The following MSI2 variants were observed in gnomAD, a reference collection of about 807,000 sequenced individuals.
MSI2 encodes the protein musashi RNA binding protein 2.
MSI2 carries 17 observed loss-of-function variants against 45.6 expected under a neutral mutation model. The ratio of observed to expected loss-of-function variants is 0.37; its 90% CI spans 0.26 to 0.56. The LOEUF is 0.56. MSI2 is among the 20% of genes least tolerant of loss of function. The pLI is 0.77. For synonymous variants in MSI2, 156 were observed against 158.2 expected (o/e 0.99, Z 0.11); for missense variants, 293 against 444.2 (o/e 0.66, Z 3.06).
chr17:57,542,121 GTC>G (rs1332691357), intron 7 of MSI2, among the ~76,000 whole-genome samples: 3 of 152,130 alleles, frequency 2.0e-5, no homozygotes, highest in African/African-American at 7.2e-5. Flanking sequence ...TGTTTTGTGT[GTC>G]TCTCACCAGC....
At chr17:57,523,050 CTT>C (rs34090162) in intron 6 of MSI2, 36 of 141,276 alleles carry the variant, frequency 2.5e-4, no homozygotes, top group Admixed American at 3.6e-4. Context: ...GCATTGTGTC[CTT>C]TTTTTTTTTT....
At chr17:57,323,986 T>G (rs916486732) in intron 5 of MSI2, among the ~76,000 whole-genome samples, 3 of 152,134 alleles carry the variant, frequency 2.0e-5, no homozygotes, top group Admixed American at 6.6e-5. Context: ...AAAGGAAGAC[T>G]AGGTTGTCCC....
intron 7 of MSI2, among the ~76,000 whole-genome samples, chr17:57,553,233 G>C (rs1391801989): frequency 6.6e-6 from 1 of 152,198 alleles, no homozygotes; most frequent in Non-Finnish European, 1.5e-5. Context: ...ACAGAGCACT[G>C]GACTGGGGAC....
intron 6 of MSI2, among the ~76,000 whole-genome samples, chr17:57,436,835 A>C (rs2084699769): frequency 6.6e-6 from 1 of 152,190 alleles, no homozygotes; most frequent in African/African-American, 2.4e-5. Context: ...GTTATTCTGC[A>C]AGCAGAGATG....
chr17:57,478,943 T>C (rs1192160906), intron 6 of MSI2, among the ~76,000 whole-genome samples: 1 of 152,194 alleles, frequency 6.6e-6, no homozygotes, highest in Non-Finnish European at 1.5e-5. Flanking sequence ...GTGTGTGCTG[T>C]GTGCTAATGC....
intron 6 of MSI2, among the ~76,000 whole-genome samples, chr17:57,431,956 C>T (rs2084603243): frequency 6.6e-6 from 1 of 152,188 alleles, no homozygotes; most frequent in Non-Finnish European, 1.5e-5. Context: ...AAGGCTTCCC[C>T]CAGTCTGTAG....
intron 5 of MSI2, among the ~76,000 whole-genome samples, chr17:57,314,517 A>C (rs1184778525): frequency 6.6e-6 from 1 of 151,752 alleles, no homozygotes; most frequent in Non-Finnish European, 1.5e-5. Flanking sequence ...AAAAGGGAAA[A>C]TATAGGGTGA....
At chr17:57,387,383 T>C (rs1567794687) in intron 5 of MSI2, among the ~76,000 whole-genome samples, 1 of 152,244 alleles carries the variant, frequency 6.6e-6, no homozygotes, top group Non-Finnish European at 1.5e-5. Flanking sequence ...TGAGGATTTA[T>C]AGAAATATGT....
intron 8 of MSI2, among the ~76,000 whole-genome samples, chr17:57,609,983 C>T (rs1361976980): frequency 6.6e-6 from 1 of 152,152 alleles, no homozygotes; most frequent in East Asian, 1.9e-4. Context: ...GTTTCCTGCT[C>T]CGTGGGATGG....
chr17:57,563,680 GCTGA>G (rs1321559846), intron 7 of MSI2, among the ~76,000 whole-genome samples: 4 of 144,222 alleles, frequency 2.8e-5, no homozygotes, highest in African/African-American at 1.1e-4. Flanking sequence ...CATTTTAGTG[GCTGA>G]CTGTCTGTCT....
At chr17:57,642,866 C>G (rs2144657273) in intron 10 of MSI2, among the ~76,000 whole-genome samples, 1 of 152,302 alleles carries the variant, frequency 6.6e-6, no homozygotes, top group East Asian at 1.9e-4. Flanking sequence ...AGGCCCCAGC[C>G]CTCTTTGGGG....
intron 5 of MSI2, among the ~76,000 whole-genome samples, chr17:57,276,484 T>C (rs757474825): frequency 5.9e-5 from 9 of 152,252 alleles, no homozygotes; most frequent in African/African-American, 1.7e-4. Flanking sequence ...GGCTCCTTTT[T>C]GCTTGTGCCT....
At chr17:57,522,204 G>C (rs1445751240) in intron 6 of MSI2, 1 of 141,422 alleles carries the variant, frequency 7.1e-6, no homozygotes, top group African/African-American at 2.7e-5. Flanking sequence ...AGTTTACAGA[G>C]CATAATGCCT....
intron 7 of MSI2, among the ~76,000 whole-genome samples, chr17:57,540,486 C>T (rs1340680467): frequency 1.3e-5 from 2 of 152,086 alleles, no homozygotes; most frequent in Non-Finnish European, 2.9e-5. Context: ...AGTCCTAACC[C>T]CAAAAAGATA....
At chr17:57,651,936 A>T (rs1292394180) in intron 10 of MSI2, among the ~76,000 whole-genome samples, 163 bp from the exon 11 acceptor site, 1 of 152,218 alleles carries the variant, frequency 6.6e-6, no homozygotes, top group Admixed American at 6.5e-5. Context: ...CGGAAGCCTG[A>T]CAGCCACTAC....
chr17:57,348,238 G>A (rs1915770456), intron 5 of MSI2, among the ~76,000 whole-genome samples: 1 of 152,162 alleles, frequency 6.6e-6, no homozygotes, highest in Non-Finnish European at 1.5e-5. Context: ...TTAGACTAGG[G>A]GTTGAGTTGG....
At chr17:57,394,279 C>T (rs916003208) in intron 5 of MSI2, among the ~76,000 whole-genome samples, 1 of 152,158 alleles carries the variant, frequency 6.6e-6, no homozygotes, top group African/African-American at 2.4e-5. Context: ...CAAGATTTGG[C>T]TTCTCCATTT....
chr17:57,677,497 T>C (rs1043731590), intron 13 of MSI2, among the ~76,000 whole-genome samples: 2 of 152,198 alleles, frequency 1.3e-5, no homozygotes, highest in African/African-American at 4.8e-5. Flanking sequence ...CTGGAGGTCC[T>C]TTGAGCTGGC....
At chr17:57,272,044 G>A (rs1403097217) in intron 5 of MSI2, among the ~76,000 whole-genome samples, 1 of 152,170 alleles carries the variant, frequency 6.6e-6, no homozygotes, top group Non-Finnish European at 1.5e-5. Flanking sequence ...TGACCGCTCT[G>A]GTGGGAGGGA....
Sources: allele counts gnomAD v4.1 joint callset (sites outside exome capture counted in the v4.1 genomes callset), GRCh38; gene constraint gnomAD v4.1.1; transcripts MANE v1.5; gene names NCBI Gene and HGNC (gene_info 2026-07-23, HGNC 2026-07-21).